Variants in THSD7B observed in about 807,000 individuals in gnomAD.
The protein encoded by THSD7B is thrombospondin type 1 domain containing 7B, also known as thrombospondin type-1 domain-containing protein 7B.
Under a neutral mutation model 213.6 loss-of-function variants are expected in THSD7B, and 138 were observed. The ratio of observed to expected loss-of-function variants is 0.65; its 90% CI spans 0.56 to 0.74. The LOEUF is 0.74. THSD7B is among the 30% of genes least tolerant of loss of function. THSD7B has a pLI of 0.00. For synonymous variants in THSD7B, 742 were observed against 687.0 expected (o/e 1.08, Z -1.25); for missense variants, 1,931 against 1,991.5 (o/e 0.97, Z 0.58).
intron 11 of THSD7B, among the ~76,000 whole-genome samples, chr2:137,273,773 T>A (rs900827097): frequency 3.9e-5 from 6 of 152,122 alleles, no homozygotes; most frequent in Non-Finnish European, 8.8e-5. Context: ...TACCATTTTT[T>A]TCTCATTAAC....
At chr2:137,563,964 T>A (rs1008799821) in intron 16 of THSD7B, among the ~76,000 whole-genome samples, 1 of 152,160 alleles carries the variant, frequency 6.6e-6, no homozygotes, top group South Asian at 2.1e-4. Flanking sequence ...TTTGTCAAGA[T>A]GGTCTATTTT....
intron 21 of THSD7B, 135 bp from the exon 22 acceptor site, chr2:137,655,366 T>C: frequency 2.2e-6 from 2 of 924,572 alleles, no homozygotes; most frequent in Non-Finnish European, 3.2e-6. Flanking sequence ...TTGTCAACAA[T>C]TGAGAGATAG....
chr2:137,639,524 A>G (rs919188359), intron 20 of THSD7B, among the ~76,000 whole-genome samples: 3 of 152,116 alleles, frequency 2.0e-5, no homozygotes, highest in African/African-American at 7.2e-5. Flanking sequence ...TGGAGCTGTG[A>G]GAAGAGGGCC....
At chr2:137,362,433 A>T (rs1422098753) in intron 12 of THSD7B, among the ~76,000 whole-genome samples, 2 of 152,202 alleles carry the variant, frequency 1.3e-5, no homozygotes, top group Non-Finnish European at 2.9e-5. Flanking sequence ...AAAGACACAG[A>T]CTGGCAAATT....
intron 2 of THSD7B, among the ~76,000 whole-genome samples, chr2:136,972,705 G>T (rs1316687193): frequency 6.6e-6 from 1 of 152,118 alleles, no homozygotes; most frequent in Non-Finnish European, 1.5e-5. Context: ...TAGGGTTTAA[G>T]ACAAGTTATT....
intron 2 of THSD7B, among the ~76,000 whole-genome samples, chr2:136,897,811 T>G (rs1295293285): frequency 1.3e-5 from 2 of 151,936 alleles, no homozygotes; most frequent in South Asian, 2.1e-4. Flanking sequence ...TTGGTGCGCT[T>G]ACAAACCTTC....
chr2:137,264,304 G>A (rs967649361), intron 10 of THSD7B, among the ~76,000 whole-genome samples: 6 of 151,430 alleles, frequency 4.0e-5, no homozygotes, highest in Non-Finnish European at 5.9e-5. Context: ...CCAGGCTGGG[G>A]TGCAGTGGCG....
intron 1 of THSD7B, among the ~76,000 whole-genome samples, chr2:136,874,860 G>A (rs1683500007): frequency 6.6e-6 from 1 of 152,262 alleles, no homozygotes; most frequent in East Asian, 1.9e-4. Flanking sequence ...TCAAGCCATC[G>A]TGGGTAGCAC....
chr2:137,640,646 G>A (rs1419425801), intron 20 of THSD7B, among the ~76,000 whole-genome samples: 1 of 151,988 alleles, frequency 6.6e-6, no homozygotes, highest in Non-Finnish European at 1.5e-5. Context: ...TCTATAATAT[G>A]AGAAAACAGT....
At chr2:137,239,743 C>T (rs1384210721) in intron 9 of THSD7B, among the ~76,000 whole-genome samples, 1 of 152,158 alleles carries the variant, frequency 6.6e-6, no homozygotes, top group Admixed American at 6.5e-5. Context: ...GATCAAGTTT[C>T]TTAGAACCTT....
chr2:137,457,968 T>G (rs1418900635), intron 15 of THSD7B, among the ~76,000 whole-genome samples: 1 of 152,188 alleles, frequency 6.6e-6, no homozygotes, highest in East Asian at 1.9e-4. Flanking sequence ...TTTAACCATG[T>G]CAATGCAATC....
chr2:137,141,684 CGTGTGT>C (rs66506919), intron 5 of THSD7B, among the ~76,000 whole-genome samples: 8 of 150,508 alleles, frequency 5.3e-5, no homozygotes, highest in African/African-American at 7.3e-5. Context: ...TGTGTATGTG[CGTGTGT>C]GTGTGTGTGT....
chr2:136,978,112 T>C (rs1427838696), intron 2 of THSD7B, among the ~76,000 whole-genome samples: 3 of 152,208 alleles, frequency 2.0e-5, no homozygotes, highest in Admixed American at 1.3e-4. Context: ...AATAAGTTTC[T>C]TAACCTTGAG....
chr2:136,967,317 A>G (rs917214837), intron 2 of THSD7B, among the ~76,000 whole-genome samples: 2 of 152,174 alleles, frequency 1.3e-5, no homozygotes, highest in Non-Finnish European at 2.9e-5. Flanking sequence ...ACTGTTTTCA[A>G]TGGTGTATTT....
chr2:137,187,513 A>C (rs1388102570), intron 7 of THSD7B, among the ~76,000 whole-genome samples: 1 of 152,192 alleles, frequency 6.6e-6, no homozygotes, highest in Non-Finnish European at 1.5e-5. Flanking sequence ...ATCTTGAATA[A>C]ATGCGTTAGA....
chr2:137,211,334 A>ACC (rs1681098598), intron 7 of THSD7B, among the ~76,000 whole-genome samples: 1 of 100,064 alleles, frequency 1.0e-5, no homozygotes, highest in Non-Finnish European at 2.2e-5. Flanking sequence ...TCCTTCCTAC[A>ACC]CACACACACA....
chr2:137,185,657 G>A (rs1052327276), intron 7 of THSD7B, among the ~76,000 whole-genome samples: 1 of 152,092 alleles, frequency 6.6e-6, no homozygotes, highest in African/African-American at 2.4e-5. Context: ...GGGCATCTAG[G>A]TTGATTCTAT....
intron 2 of THSD7B, among the ~76,000 whole-genome samples, chr2:136,965,386 G>A (rs905492375): frequency 3.3e-5 from 5 of 152,230 alleles, no homozygotes; most frequent in African/African-American, 1.2e-4. Context: ...GGAAGAATGT[G>A]CTGGCATCAC....
chr2:137,161,273 G>C (rs1453292450), intron 6 of THSD7B, among the ~76,000 whole-genome samples: 1 of 151,886 alleles, frequency 6.6e-6, no homozygotes, highest in Non-Finnish European at 1.5e-5. Context: ...AGTTTCTATT[G>C]ATACTGTGTT....
Sources: allele counts gnomAD v4.1 joint callset (sites outside exome capture counted in the v4.1 genomes callset), GRCh38; gene constraint gnomAD v4.1.1; transcripts MANE v1.5; gene names NCBI Gene and HGNC (gene_info 2026-07-23, HGNC 2026-07-21).